The following RALGAPA1 variants were observed in gnomAD, a reference collection of about 807,000 sequenced individuals.
RALGAPA1 encodes the protein ral GTPase-activating protein subunit alpha-1.
RALGAPA1 carries 52 observed loss-of-function variants against 269.6 expected under a neutral mutation model. The observed-to-expected ratio is 0.19, with a 90% CI of 0.15 to 0.24. RALGAPA1 has a LOEUF of 0.24. Ranked by LOEUF, RALGAPA1 falls within the 10% of genes least tolerant of loss-of-function variation. RALGAPA1 has a pLI of 1.00. For synonymous variants in RALGAPA1, 817 were observed against 1,008.3 expected (o/e 0.81, Z 3.60); for missense variants, 1,917 against 3,013.9 (o/e 0.64, Z 8.52).
intron 6 of RALGAPA1, among the ~76,000 whole-genome samples, chr14:35,758,180 G>A (rs1054658283): frequency 1.4e-4 from 20 of 144,890 alleles, no homozygotes; most frequent in Admixed American, 1.4e-4. Flanking sequence ...GGTGGTGGAG[G>A]TTGCAGTGAG....
intron 36 of RALGAPA1, among the ~76,000 whole-genome samples, chr14:35,598,824 C>T (rs965293679): frequency 6.6e-5 from 10 of 152,300 alleles, no homozygotes; most frequent in Non-Finnish European, 1.3e-4. Context: ...ACATTTAGAT[C>T]ATTTATATTT....
chr14:35,780,654 T>C (rs916109010), intron 1 of RALGAPA1, among the ~76,000 whole-genome samples: 2 of 152,104 alleles, frequency 1.3e-5, no homozygotes, highest in African/African-American at 4.8e-5. Context: ...AGTTAGAAAA[T>C]CTTTGAGATG....
intron 37 of RALGAPA1, among the ~76,000 whole-genome samples, chr14:35,583,994 T>C (rs1566745918): frequency 6.6e-6 from 1 of 152,104 alleles, no homozygotes; most frequent in East Asian, 1.9e-4. Flanking sequence ...ATATGTGTCA[T>C]AAACTTGGAT....
At chr14:35,597,182 G>A (rs912146658) in intron 36 of RALGAPA1, among the ~76,000 whole-genome samples, 25 of 152,112 alleles carry the variant, frequency 1.6e-4, no homozygotes, top group African/African-American at 5.3e-4. Context: ...ATAGTTAAAC[G>A]TGAAACTTTA....
Position 35,627,803 on chromosome 14 carries a change from A to G in RALGAPA1, c.6144T>C (p.Ser2048=), listed in dbSNP as rs200972010. 13 of 1,573,024 alleles carry G rather than the reference A, an allele frequency of 8.3e-6. No homozygotes were observed. In the East Asian group the frequency reaches 2.7e-4, roughly 32 times the overall value. Residue 2048 remains serine (S), a synonymous_variant, in exon 34 of 42, where the codon AGT becomes AGC. Transcript: ENST00000680220. ...GTTCAGGAGAAAGTTCAGTACTTTC[A>G]CTGTAATGATTGTCGTGATTTTCAC... is the stretch of plus-strand genomic sequence containing the variant. The part of the protein sequence containing the change: ...QVCENHDNHY[S]ESTELSPELF...
At position 35,737,756 on chromosome 14, in the gene RALGAPA1, T is replaced by G. The variant is rs1405590046; in HGVS notation, c.1587+757A>C. On this transcript the variant is annotated intron_variant, in intron 12 of 41. Transcript: ENST00000680220. ...CCTGGGCAACAACAGTGAAAATCCATCTCAAAAAAAAAAAAAAAAAAAAAA... is the reference window on the plus strand; with the variant it reads ...CCTGGGCAACAACAGTGAAAATCCAGCTCAAAAAAAAAAAAAAAAAAAAAA... Among the ~76,000 whole-genome samples the G allele has an allele frequency of 4.2e-4, 6 of 14,328 alleles. No individual in the cohort carries two copies. In the East Asian group the frequency reaches 0.021, roughly 51 times the overall value. The allele number at this position is 14,328 out of a possible 152,430, so 9.4% of individuals were successfully genotyped here.
intron 39 of RALGAPA1, among the ~76,000 whole-genome samples, chr14:35,568,119 T>C (rs2056859358): frequency 6.6e-6 from 1 of 152,106 alleles, no homozygotes. Context: ...AACTGAAAAG[T>C]ATATGCCAAT....
chr14:35,808,505 T>A (rs1294672131), intron 1 of RALGAPA1, among the ~76,000 whole-genome samples: 1 of 152,170 alleles, frequency 6.6e-6, no homozygotes, highest in Non-Finnish European at 1.5e-5. Context: ...AAAAAATAAG[T>A]TCAGACTATT....
chr14:35,674,118 TA>T, intron 24 of RALGAPA1, 61 bp downstream of exon 24: 1 of 1,304,188 alleles, frequency 7.7e-7, no homozygotes, highest in Non-Finnish European at 1.1e-6. Flanking sequence ...AAAATCTCTA[TA>T]AAAAGTTTAA....
chr14:35,597,665 A>G (rs1434696535), intron 36 of RALGAPA1, among the ~76,000 whole-genome samples: 2 of 152,040 alleles, frequency 1.3e-5, no homozygotes, highest in African/African-American at 4.8e-5. Flanking sequence ...AATCCCCCAT[A>G]TTGCCCTCTT....
chr14:35,563,684 G>A (rs964505349), intron 39 of RALGAPA1, among the ~76,000 whole-genome samples: 5 of 152,144 alleles, frequency 3.3e-5, no homozygotes, highest in Non-Finnish European at 7.4e-5. Flanking sequence ...AATTGAAAAT[G>A]CATTTAATAC....
chr14:35,807,862 T>A (rs2077483277), intron 1 of RALGAPA1: 1 of 152,278 alleles, frequency 6.6e-6, no homozygotes, highest in South Asian at 2.1e-4. Context: ...GGCATCTGGA[T>A]GAATGCATCT....
intron 1 of RALGAPA1, among the ~76,000 whole-genome samples, chr14:35,793,872 T>C (rs1490335433): frequency 6.6e-6 from 1 of 152,214 alleles, no homozygotes; most frequent in East Asian, 1.9e-4. Context: ...TATTCAATCC[T>C]ATAAGCCACG....
At chr14:35,784,522 G>A (rs1376740211) in intron 1 of RALGAPA1, among the ~76,000 whole-genome samples, 1 of 151,762 alleles carries the variant, frequency 6.6e-6, no homozygotes, top group African/African-American at 2.4e-5. Flanking sequence ...TTCCTTTTTT[G>A]CTGATCTATT....
In RALGAPA1 at chr14:35,672,431, G is replaced by A. The variant is rs1265595350; in HGVS notation, c.5073+436C>T. 3.3e-5 allele frequency among the ~76,000 whole-genome samples: 5 copies of A among 151,856 alleles called. No homozygotes were observed. The East Asian group carries it at 9.6e-4, about 29-fold the overall frequency. On this transcript the variant is annotated intron_variant, in intron 25 of 41. Coordinates refer to ENST00000680220, the MANE Select transcript of RALGAPA1 (RefSeq NM_001346249.2). ...TAACTGTCACTATGCCAATATAATT[G>A]ACAGTAATAAGAAAATGTGATGTGC...
rs750062810 is a variant in RALGAPA1 at position 35,561,506 on chromosome 14, GTTT to G, written c.7496+9108_7496+9110del. On this transcript the variant is annotated intron_variant, in intron 39 of 41. Coordinates refer to ENST00000680220, the MANE Select transcript of RALGAPA1 (RefSeq NM_001346249.2). ...GTAATGCCATGTCTTTAATATAGGA[GTTT>G]TTTTTTTTTTTTTTTTTTTTTTTGA... Among the ~76,000 whole-genome samples the G allele has an allele frequency of 6.4e-3, 470 of 72,892 alleles. 4 individuals carry two copies. The highest frequency in any genetic ancestry group is 0.024 in the African/African-American group (429 of 18,060). The allele number at this position is 72,892 out of a possible 152,430, so 47.8% of individuals were successfully genotyped here. A position where few individuals can be genotyped will look rare whatever the true frequency, so the allele number is the denominator to read the frequency against.
At chr14:35,775,497 A>G (rs1475800239) in intron 2 of RALGAPA1, 138 bp downstream of exon 2, 1 of 1,008,160 alleles carries the variant, frequency 9.9e-7, no homozygotes, top group Middle Eastern at 3.3e-4. Context: ...CACTAGACCT[A>G]TGATAGTAGT....
intron 16 of RALGAPA1, among the ~76,000 whole-genome samples, chr14:35,705,135 T>C (rs1450896907): frequency 2.0e-5 from 3 of 152,164 alleles, no homozygotes; most frequent in Non-Finnish European, 4.4e-5. Flanking sequence ...GCATGGTACA[T>C]TTGCTACAAT....
chr14:35,706,294 T>C (rs2067798371), intron 16 of RALGAPA1, among the ~76,000 whole-genome samples: 1 of 152,214 alleles, frequency 6.6e-6, no homozygotes, highest in Non-Finnish European at 1.5e-5. Flanking sequence ...GTCTATGATC[T>C]GAGTTAATTT....
Sources: gnomAD v4.1 joint callset for allele counts (sites outside exome capture counted in the v4.1 genomes callset) on GRCh38, gnomAD v4.1.1 for gene constraint, MANE v1.5 for transcripts, NCBI Gene and HGNC (gene_info 2026-07-23, HGNC 2026-07-21) for gene names.